BRAT1: variants seen among roughly 807,000 people sequenced by gnomAD.
BRAT1 encodes integrator complex assembly factor BRAT1.
Under a neutral mutation model 70.6 loss-of-function variants are expected in BRAT1, and 74 were observed. The ratio of observed to expected loss-of-function variants is 1.05; its 90% CI spans 0.87 to 1.27. The LOEUF (loss-of-function observed/expected upper bound fraction) is 1.27. Among genes scored for constraint, BRAT1 ranks in the 50% most tolerant of loss-of-function variants. The pLI, the probability that BRAT1 is intolerant of heterozygous loss-of-function variation, is 0.00. For synonymous variants in BRAT1, 615 were observed against 517.1 expected, an observed-to-expected ratio of 1.19 and a Z score of -2.57; for missense variants, 1,203 against 1,098.2, an observed-to-expected ratio of 1.10 and a Z score of -1.35.
chr7:2,543,169 A>G lies in BRAT1; in HGVS notation c.923+35T>C, dbSNP rs1237735612. On this transcript the variant is annotated intron_variant, in intron 6 of 13. Coordinates refer to ENST00000340611, the MANE Select transcript of BRAT1 (RefSeq NM_152743.4). This position sits in a 1 kb window ranked among gnomAD's most constrained non-coding sequence, Gnocchi z 5.5. Reference sequence around the variant, plus strand: ...CTCCCTGCCTGCCCCAGCTCCCAGCACCCGCCTCGGAATGAAATGCACCCC... The same window carrying G: ...CTCCCTGCCTGCCCCAGCTCCCAGCGCCCGCCTCGGAATGAAATGCACCCC... 8 of 1,523,064 alleles carry G rather than the reference A, an allele frequency of 5.3e-6. No homozygotes were observed. Among genetic ancestry groups the G allele is most frequent in the Non-Finnish European group, 7.1e-6 (8 of 1,134,034 alleles). 94.3% of individuals were successfully genotyped at this position (1,523,064 alleles called of 1,614,324 possible). A position where few individuals can be genotyped will look rare whatever the true frequency, so the allele number is the denominator to read the frequency against.
At position 2,544,906 on chromosome 7, in the gene BRAT1, C is replaced by T; in HGVS notation, c.430+3G>A. On this transcript the variant is annotated splice_donor_region_variant and intron_variant, in intron 4 of 13. Coordinates refer to ENST00000340611, the MANE Select transcript of BRAT1 (RefSeq NM_152743.4). The stretch of plus-strand genomic sequence containing the variant: ...GAATGGGGTGGGGTGTGGGCGCACT[C>T]ACCATGGTCGGCCAGGAAGCGCAGG... The T allele has an allele frequency of 6.5e-7, 1 of 1,549,658 alleles. No individual in the cohort carries two copies. Among genetic ancestry groups the T allele is most frequent in the Non-Finnish European group, 8.7e-7 (1 of 1,146,852 alleles).
chr7:2,545,496 C>CTTTTTT (rs71550356), intron 3 of BRAT1, among the ~76,000 whole-genome samples: 3,385 of 129,896 alleles, frequency 0.026, 104 homozygotes, highest in South Asian at 0.071. Flanking sequence ...CTTTCTTCTT[C>CTTTTTT]TTTTTTTTTT....
intron 8 of BRAT1, 78 bp downstream of exon 8, chr7:2,541,640 G>T (rs1003269945): frequency 1.3e-6 from 2 of 1,486,362 alleles, no homozygotes; most frequent in South Asian, 1.3e-5. Context: ...AGCAAGGGGT[G>T]GGGGGCGTCA....
At position 2,555,310 on chromosome 7, in the gene BRAT1, C is replaced by T. The variant is rs565607838; in HGVS notation, c.-17+177G>A. Among the ~76,000 whole-genome samples the T allele has an allele frequency of 1.8e-3, 270 of 152,124 alleles. 1 individual carries two copies. The highest frequency in any genetic ancestry group is 3.4e-3 in the Middle Eastern group (1 of 294). On this transcript the variant is annotated intron_variant, in intron 1 of 13. Coordinates refer to ENST00000340611, the MANE Select transcript of BRAT1 (RefSeq NM_152743.4). ...TCAGTTTTGGCCGCGAGCGCCAGGC[C>T]CGAGAGTCCAGAAGGGGCGCCAGAG...
At position 2,539,598 on chromosome 7, in the gene BRAT1, C is replaced by A; in HGVS notation, c.1543G>T (p.Glu515Ter). The A allele has an allele frequency of 6.3e-7, 1 of 1,591,778 alleles. No individual in the cohort carries two copies. Among genetic ancestry groups the A allele is most frequent in the Non-Finnish European group, 8.6e-7 (1 of 1,168,518 alleles). Residue 515 changes from glutamate to a stop codon, truncating the protein, a stop_gained, in exon 12 of 14, where the codon GAG becomes TAG. Coordinates refer to ENST00000340611, the MANE Select transcript of BRAT1 (RefSeq NM_152743.4). LOFTEE classifies it high-confidence loss of function. The stretch of plus-strand genomic sequence containing the variant: ...AACTCGAGGGCGGAGTCCCTCACCT[C>A]CCAGCAGGGGTGGCACAGGCGTTTC... ...LQKRLCHPCW[E>*]VRDSALEFLT... is the part of the protein sequence containing the mutation.
Position 2,539,575 on chromosome 7 carries a change from C to G in BRAT1, c.1566G>C (p.Glu522Asp). The part of the protein sequence containing the change: ...PCWEVRDSAL[E>D]FLTQLSRHWG... ...AGTGCCTGCTCAGCTGGGTCAGGAACTCGAGGGCGGAGTCCCTCACCTCCC... is the reference window on the plus strand; with the variant it reads ...AGTGCCTGCTCAGCTGGGTCAGGAAGTCGAGGGCGGAGTCCCTCACCTCCC... The change falls in exon 12 of 14, where the codon GAG (glutamate) becomes GAC (aspartate). Residue 522 changes from glutamate to aspartate, a missense_variant. Coordinates refer to ENST00000340611, the MANE Select transcript of BRAT1 (RefSeq NM_152743.4). 1 of 1,580,292 alleles carries G rather than the reference C, an allele frequency of 6.3e-7. No homozygotes were observed. Among genetic ancestry groups the G allele is most frequent in the African/African-American group, 1.3e-5 (1 of 74,102 alleles).
intron 2 of BRAT1, among the ~76,000 whole-genome samples, chr7:2,549,354 A>G (rs914533693): frequency 6.6e-6 from 1 of 152,024 alleles, no homozygotes; most frequent in African/African-American, 2.4e-5. Flanking sequence ...GCGCGCATCT[A>G]TAGTCCCAGC....
At chr7:2,546,499 C>T (rs758734598) in intron 3 of BRAT1, among the ~76,000 whole-genome samples, 1 of 151,952 alleles carries the variant, frequency 6.6e-6, no homozygotes, top group East Asian at 1.9e-4. Context: ...TTTGGGAGGC[C>T]GAGGCAGACG....
At chr7:2,540,683 G>T in intron 10 of BRAT1, 1 of 358,258 alleles carries the variant, frequency 2.8e-6, no homozygotes, top group African/African-American at 2.1e-5. Context: ...CCACGCCCAG[G>T]GCCGTCTTGG....
intron 2 of BRAT1, among the ~76,000 whole-genome samples, chr7:2,551,058 G>A (rs1216224981): frequency 6.6e-6 from 1 of 151,950 alleles, no homozygotes; most frequent in Admixed American, 6.6e-5. Flanking sequence ...TGGCCAACAT[G>A]ATGAAATCCC....
In BRAT1 at chr7:2,543,546, C is replaced by G; in HGVS notation, c.803+44G>C. On this transcript the variant is annotated intron_variant, in intron 5 of 13. Transcript: ENST00000340611. This position sits in a 1 kb window ranked among gnomAD's most constrained non-coding sequence, Gnocchi z 5.5. ...ATCCCTGGGCGTTATCCGAGGAAAACAGTTGCCCACCCAGGCCCCCCAGCT... is the reference window on the plus strand; with the variant it reads ...ATCCCTGGGCGTTATCCGAGGAAAAGAGTTGCCCACCCAGGCCCCCCAGCT... 6.7e-7 allele frequency: 1 copy of G among 1,499,406 alleles called. No homozygotes were observed. Among genetic ancestry groups the G allele is most frequent in the South Asian group, 1.4e-5 (1 of 73,550 alleles). 92.9% of individuals were successfully genotyped at this position (1,499,406 alleles called of 1,614,324 possible). A position where few individuals can be genotyped will look rare whatever the true frequency, so the allele number is the denominator to read the frequency against.
rs141739600 is a variant in BRAT1, at chr7:2,546,521, G to C, written c.282+803C>G. Among the ~76,000 whole-genome samples, 594 of 152,246 alleles carry C rather than the reference G, an allele frequency of 3.9e-3. 4 individuals carry two copies. The highest frequency in any genetic ancestry group is 0.013 in the African/African-American group (550 of 41,530). ...GGCCGAGGCAGACGGATCACTTGAG[G>C]TCAAGGAGTTCGTGATCAGCCTGGC... On this transcript the variant is annotated intron_variant, in intron 3 of 13. Coordinates refer to ENST00000340611, the MANE Select transcript of BRAT1 (RefSeq NM_152743.4).
intron 7 of BRAT1, 137 bp from the exon 8 acceptor site, chr7:2,541,973 T>C (rs1779207370): frequency 4.1e-6 from 5 of 1,205,024 alleles, no homozygotes; most frequent in East Asian, 5.0e-5. Flanking sequence ...GAGATGGCCA[T>C]GTCCCCGGTC....
At position 2,543,960 on chromosome 7, in the gene BRAT1, C is replaced by T. The variant is rs1191129623; in HGVS notation, c.433G>A (p.Ala145Thr). Reference sequence around the variant, plus strand: ...TGCAGGGAGAAGATGGTGTCGACCGCACCTGGGTAGGGGATGGGGGAAGAG... The same window carrying T: ...TGCAGGGAGAAGATGGTGTCGACCGTACCTGGGTAGGGGATGGGGGAAGAG... ...SALRFLADHG[A>T]VDTIFSLQGD... The change falls in exon 5 of 14, where the codon GCG becomes ACG. Residue 145 changes from alanine (A) to threonine (T), a missense_variant and splice_region_variant. Physicochemically the swap from Ala to Thr is moderately conservative, Grantham distance 58. Transcript: ENST00000340611. This position sits in a 1 kb window ranked among gnomAD's most constrained non-coding sequence, Gnocchi z 5.5. 3 of 1,564,778 alleles carry T rather than the reference C, an allele frequency of 1.9e-6. No homozygotes were observed. Among genetic ancestry groups the T allele is most frequent in the East Asian group, 4.6e-5 (2 of 43,052 alleles).
Position 2,543,438 on chromosome 7 carries a change from T to TA in BRAT1, c.804-116_804-115insT. 3 of 1,483,164 alleles carry TA rather than the reference T, an allele frequency of 2.0e-6. No individual in the cohort carries two copies. The highest frequency in any genetic ancestry group is 2.7e-6 in the Non-Finnish European group (3 of 1,119,434). 91.9% of individuals were successfully genotyped at this position (1,483,164 alleles called of 1,614,324 possible). A position where few individuals can be genotyped will look rare whatever the true frequency, so the allele number is the denominator to read the frequency against. On this transcript the variant is annotated intron_variant, in intron 5 of 13. Transcript: ENST00000340611. The surrounding 1 kb of genome is among the most constrained non-coding windows in gnomAD (Gnocchi z 5.5). ...GAGGCGCCCAGCCCAAGACAGGCCT[T>TA]TCCCCATGAGGGTTCCAGGGTCACC...
At chr7:2,549,947 C>T (rs1779877450) in intron 2 of BRAT1, among the ~76,000 whole-genome samples, 1 of 152,152 alleles carries the variant, frequency 6.6e-6, no homozygotes, top group African/African-American at 2.4e-5. Context: ...CCTAACCTCA[C>T]TTCAAAACGT....
In BRAT1 at chr7:2,541,947, C is replaced by A. The variant is rs1779205689; in HGVS notation, c.1016-111G>T. The A allele has an allele frequency of 4.6e-6, 6 of 1,294,124 alleles. No individual in the cohort carries two copies. In the Admixed American group the frequency reaches 1.2e-4, roughly 26 times the overall value. The allele number at this position is 1,294,124 out of a possible 1,614,324, so 80.2% of individuals were successfully genotyped here. A position where few individuals can be genotyped will look rare whatever the true frequency, so the allele number is the denominator to read the frequency against. ...CACAGGCCAGGACCTAGGTGCAGAGCAGCAGCTCACCAGGGGAGATGGCCA... is the reference window on the plus strand; with the variant it reads ...CACAGGCCAGGACCTAGGTGCAGAGAAGCAGCTCACCAGGGGAGATGGCCA... On this transcript the variant is annotated intron_variant, in intron 7 of 13. Transcript: ENST00000340611.
At position 2,537,997 on chromosome 7, in the gene BRAT1, G is replaced by A. The variant is rs1778811047; in HGVS notation, c.*72C>T. 10 of 1,459,534 alleles carry A rather than the reference G, an allele frequency of 6.9e-6. No homozygotes were observed. In the African/African-American group the frequency reaches 8.5e-5, roughly 12 times the overall value. 90.4% of individuals were successfully genotyped at this position (1,459,534 alleles called of 1,614,324 possible). On this transcript the variant is annotated 3_prime_UTR_variant, in exon 14 of 14. Transcript: ENST00000340611. ...CGGGCTGGGCTGGAGCCCTGGGGCT[G>A]GCAGTGTCCCACAGAAGGACATGGT...
chr7:2,549,431 T>G (rs1039812443), intron 2 of BRAT1, among the ~76,000 whole-genome samples: 1 of 152,022 alleles, frequency 6.6e-6, no homozygotes, highest in Admixed American at 6.6e-5. Context: ...GAGCCGTGAT[T>G]ACACCACTGT....
Sources: allele counts gnomAD v4.1 joint callset (sites outside exome capture counted in the v4.1 genomes callset), GRCh38; gene constraint gnomAD v4.1.1; non-coding constraint Gnocchi (gnomAD v3.1); transcripts MANE v1.5; gene names NCBI Gene and HGNC (gene_info 2026-07-23, HGNC 2026-07-21).